The following LEKR1 variants were observed in gnomAD, a reference collection of about 807,000 sequenced individuals.
LEKR1 encodes protein LEKR1.
In LEKR1, 59 loss-of-function variants were observed where a neutral mutation model predicts 72.4. The ratio of observed to expected loss-of-function variants is 0.82; its 90% CI spans 0.66 to 1.01. The LOEUF (loss-of-function observed/expected upper bound fraction) is 1.01, where lower values mean the gene tolerates loss of function less well. Ranked by LOEUF, LEKR1 falls within the 50% of genes least tolerant of loss-of-function variation. The pLI is 0.00. For missense variants in LEKR1, 728 were observed against 759.2 expected, an observed-to-expected ratio of 0.96 and a Z score of 0.48; for synonymous variants, 257 against 263.2, an observed-to-expected ratio of 0.98 and a Z score of 0.23.
chr3:156,960,805 A>G (rs888741115), intron 6 of LEKR1, among the ~76,000 whole-genome samples: 1 of 152,204 alleles, frequency 6.6e-6, no homozygotes, highest in Non-Finnish European at 1.5e-5. Flanking sequence ...ATTTTTTCAT[A>G]GAAAAGCCAA....
At chr3:156,962,593 G>C (rs538534280) in intron 6 of LEKR1, among the ~76,000 whole-genome samples, 1 of 152,160 alleles carries the variant, frequency 6.6e-6, no homozygotes. Context: ...CACTGGAGTC[G>C]TCTAAGATTA....
At chr3:157,024,734 A>G (rs1282877660) in intron 10 of LEKR1, 26 bp from the exon 11 acceptor site, 6 of 1,567,286 alleles carry the variant, frequency 3.8e-6, no homozygotes, top group South Asian at 1.2e-5. Context: ...AAATAGTTTT[A>G]CATGTGCTTT....
intron 10 of LEKR1, among the ~76,000 whole-genome samples, chr3:157,022,471 A>T (rs1161785364): frequency 1.3e-5 from 2 of 152,166 alleles, no homozygotes; most frequent in South Asian, 2.1e-4. Flanking sequence ...ATGGATGCAA[A>T]GCATCTTTTG....
At chr3:156,841,665 A>G (rs1315466601) in intron 2 of LEKR1, among the ~76,000 whole-genome samples, 2 of 152,180 alleles carry the variant, frequency 1.3e-5, no homozygotes, top group Non-Finnish European at 1.5e-5. Context: ...GGGGTGCTTG[A>G]TTTTAAAGTA....
intron 1 of LEKR1, among the ~76,000 whole-genome samples, chr3:156,828,117 A>G (rs1321312210): frequency 6.6e-6 from 1 of 152,204 alleles, no homozygotes; most frequent in Non-Finnish European, 1.5e-5. Context: ...ATGTCATATT[A>G]TGTTTTATGT....
At chr3:156,835,550 C>T (rs1712996650) in intron 2 of LEKR1, among the ~76,000 whole-genome samples, 2 of 152,324 alleles carry the variant, frequency 1.3e-5, no homozygotes, top group South Asian at 4.1e-4. Context: ...TTCACTGAGG[C>T]TACTGGGCAA....
Position 157,028,340 on chromosome 3 carries a change from CTGAAAAGAGT to C in LEKR1, c.1607_1616del (p.Leu536GlnfsTer8). On this transcript the variant is annotated frameshift_variant, in exon 12 of 13. Coordinates refer to ENST00000356539, the MANE Select transcript of LEKR1 (RefSeq NM_001004316.3). LOFTEE classifies it high-confidence loss of function. ...GGAAATGGAACAGAAGTCGGATGAACTGAAAAGAGTAATGCTGGCTCAAACACAACTGATA... is the reference window on the plus strand; with the variant it reads ...GGAAATGGAACAGAAGTCGGATGAACAATGCTGGCTCAAACACAACTGATA... 6.2e-7 allele frequency: 1 copy of C among 1,613,120 alleles called. No homozygotes were observed.
intron 2 of LEKR1, among the ~76,000 whole-genome samples, chr3:156,833,143 A>T (rs551642866): frequency 6.6e-6 from 1 of 152,370 alleles, no homozygotes; most frequent in East Asian, 1.9e-4. Context: ...GATCAGAAAC[A>T]TTTCAAACAA....
chr3:156,837,389 C>T (rs1482725671), intron 2 of LEKR1, among the ~76,000 whole-genome samples: 1 of 152,202 alleles, frequency 6.6e-6, no homozygotes, highest in East Asian at 1.9e-4. Flanking sequence ...CTGAAAAATT[C>T]CTGCCCTTTG....
chr3:156,985,797 C>T (rs1001283873), intron 7 of LEKR1, among the ~76,000 whole-genome samples: 2 of 148,086 alleles, frequency 1.4e-5, no homozygotes, highest in Non-Finnish European at 3.0e-5. Flanking sequence ...GAGGCAAGAT[C>T]GCACCACTGC....
At chr3:156,881,923 G>T (rs1192021597) in intron 3 of LEKR1, among the ~76,000 whole-genome samples, 6 of 149,080 alleles carry the variant, frequency 4.0e-5, no homozygotes, top group Admixed American at 1.4e-4. Context: ...TTTAATAAAT[G>T]GTGCTGAGAA....
chr3:156,951,418 T>A (rs1236971064), intron 6 of LEKR1, among the ~76,000 whole-genome samples: 1 of 151,708 alleles, frequency 6.6e-6, no homozygotes, highest in African/African-American at 2.4e-5. Flanking sequence ...TTTGGAATAG[T>A]TTCACTACGA....
In LEKR1 at chr3:157,045,595, C is replaced by G. The variant is rs201608508; in HGVS notation, c.1924C>G (p.Pro642Ala). ...TCCCAACCTGCGCGGGGTGTCAAAACCCACCACTTTCCCAACCTCAGATAA... is the reference window on the plus strand; with the variant it reads ...TCCCAACCTGCGCGGGGTGTCAAAAGCCACCACTTTCCCAACCTCAGATAA... ...QIPNLRGVSK[P>A]TTFPTSDKPK... is the part of the protein sequence containing the mutation. The change falls in exon 13 of 13, where the codon CCC becomes GCC. Residue 642 changes from proline (P) to alanine (A), a missense_variant. Coordinates refer to ENST00000356539, the MANE Select transcript of LEKR1 (RefSeq NM_001004316.3). 1 of 1,614,178 alleles carries G rather than the reference C, an allele frequency of 6.2e-7. No individual in the cohort carries two copies.
At chr3:157,008,425 T>C (rs568478989) in intron 9 of LEKR1, among the ~76,000 whole-genome samples, 10 of 152,368 alleles carry the variant, frequency 6.6e-5, no homozygotes, top group African/African-American at 2.4e-4. Context: ...AGTAGATACA[T>C]TGAAGGTTTG....
chr3:156,960,795 A>AT (rs1728058647), intron 6 of LEKR1, among the ~76,000 whole-genome samples: 1 of 152,138 alleles, frequency 6.6e-6, no homozygotes, highest in African/African-American at 2.4e-5. Flanking sequence ...CCAAAATTTG[A>AT]TTTTTTCATA....
intron 6 of LEKR1, among the ~76,000 whole-genome samples, chr3:156,959,155 C>T (rs1727901173): frequency 6.6e-6 from 1 of 152,010 alleles, no homozygotes; most frequent in African/African-American, 2.4e-5. Context: ...ATATCTTCTC[C>T]CCAGATAAAT....
intron 3 of LEKR1, among the ~76,000 whole-genome samples, chr3:156,857,048 T>C (rs1389006369): frequency 6.6e-6 from 1 of 152,150 alleles, no homozygotes; most frequent in African/African-American, 2.4e-5. Context: ...CTGCTATAGG[T>C]TTCTTAAAGA....
rs1424108848 is a variant in LEKR1 at position 157,045,763 on chromosome 3, A to G, written c.*13A>G. On this transcript the variant is annotated 3_prime_UTR_variant, in exon 13 of 13. Coordinates refer to ENST00000356539, the MANE Select transcript of LEKR1 (RefSeq NM_001004316.3). ...GAGTCAGCAATGATCCAAAATGAGG[A>G]GCAGGAAGCTCCCTACAGCGTGCAC... 6.2e-7 allele frequency: 1 copy of G among 1,603,218 alleles called. No individual in the cohort carries two copies. Among genetic ancestry groups the G allele is most frequent in the African/African-American group, 1.3e-5 (1 of 75,010 alleles).
chr3:156,958,966 G>A (rs1459282886), intron 6 of LEKR1, among the ~76,000 whole-genome samples: 2 of 151,926 alleles, frequency 1.3e-5, no homozygotes, highest in African/African-American at 4.8e-5. Flanking sequence ...ATGAACTTCA[G>A]CCATCTTCTT....
Sources: gnomAD v4.1 joint callset for allele counts (sites outside exome capture counted in the v4.1 genomes callset) on GRCh38, gnomAD v4.1.1 for gene constraint, MANE v1.5 for transcripts, NCBI Gene and HGNC (gene_info 2026-07-23, HGNC 2026-07-21) for gene names.